PACS2: variants seen among roughly 807,000 people sequenced by gnomAD.
PACS2 encodes PACS1-like protein.
A neutral mutation model predicts 113.0 loss-of-function variants in PACS2; 36 were observed. The observed-to-expected ratio is 0.32, with a 90% CI of 0.24 to 0.42. The LOEUF (loss-of-function observed/expected upper bound fraction) is 0.42. Among genes scored for constraint, PACS2 ranks in the 10% least tolerant of loss-of-function variants. The pLI, the probability that PACS2 is intolerant of heterozygous loss-of-function variation, is 1.00. For synonymous variants in PACS2, 589 were observed against 536.1 expected (o/e 1.10, Z -1.36); for missense variants, 1,015 against 1,239.5 (o/e 0.82, Z 2.72).
chr14:105,350,203 C>T (rs1030519794), intron 2 of PACS2, among the ~76,000 whole-genome samples: 1 of 152,160 alleles, frequency 6.6e-6, no homozygotes, highest in African/African-American at 2.4e-5. Flanking sequence ...GGGCCATTGC[C>T]ACCAGGCCGT....
At position 105,340,521 on chromosome 14, in the gene PACS2, A is replaced by G. The variant is rs1349451528; in HGVS notation, c.120-7972A>G. 6.6e-6 allele frequency among the ~76,000 whole-genome samples: 1 copy of G among 152,200 alleles called. No individual in the cohort carries two copies. Among genetic ancestry groups the G allele is most frequent in the Non-Finnish European group, 1.5e-5 (1 of 68,036 alleles). On this transcript the variant is annotated intron_variant, in intron 1 of 24. Transcript: ENST00000447393. This position sits in a 1 kb window ranked among gnomAD's most constrained non-coding sequence, Gnocchi z 4.2. ...CATCAGCCATCAGATTCTCATAAGC[A>G]GCGTGCAGCCTGGATCCCTCGCGTG...
Position 105,385,732 on chromosome 14 carries a change from G to C in PACS2, c.2033+15G>C. On this transcript the variant is annotated intron_variant, in intron 19 of 24. Coordinates refer to ENST00000447393, the MANE Select transcript of PACS2 (RefSeq NM_001100913.3). ...TTTACCCTAAGGTACGGCTCTGTGG[G>C]TCTGCCTCCCACCCTGTCTGTCCCC... 6.7e-7 allele frequency: 1 copy of C among 1,490,316 alleles called. No individual in the cohort carries two copies. Among genetic ancestry groups the C allele is most frequent in the Non-Finnish European group, 8.9e-7 (1 of 1,117,384 alleles). 92.3% of individuals were successfully genotyped at this position (1,490,316 alleles called of 1,614,324 possible). A position where few individuals can be genotyped will look rare whatever the true frequency, so the allele number is the denominator to read the frequency against.
rs1261443733 is a variant in PACS2, at chr14:105,366,678, C to T, written c.424-535C>T. On this transcript the variant is annotated intron_variant, in intron 4 of 24. Transcript: ENST00000447393. This position sits in a 1 kb window ranked among gnomAD's most constrained non-coding sequence, Gnocchi z 4.3. ...CCGGCCTGGCTGAGAGTGCTGGGCT[C>T]CTCCTTGGTCCCCCACAGACACTGG... 1.3e-5 allele frequency among the ~76,000 whole-genome samples: 2 copies of T among 152,210 alleles called. No homozygotes were observed. Among genetic ancestry groups the T allele is most frequent in the Non-Finnish European group, 2.9e-5 (2 of 68,036 alleles).
chr14:105,346,198 G>A lies in PACS2; in HGVS notation c.120-2295G>A, dbSNP rs587686196. ...CTAAAAAGCTGGACTTAAATACATC[G>A]AACTTGGAACTCAGAAAAATAAAAC... On this transcript the variant is annotated intron_variant, in intron 1 of 24. Coordinates refer to ENST00000447393, the MANE Select transcript of PACS2 (RefSeq NM_001100913.3). Among the ~76,000 whole-genome samples the A allele has an allele frequency of 2.6e-5, 4 of 152,214 alleles. No homozygotes were observed. In the East Asian group the frequency reaches 5.8e-4, roughly 22 times the overall value.
At chr14:105,370,055 A>T (rs1294309526) in intron 8 of PACS2, 155 bp downstream of exon 8, 2 of 645,350 alleles carry the variant, frequency 3.1e-6, no homozygotes, top group African/African-American at 3.7e-5. Flanking sequence ...AGGCGCAGTG[A>T]CAGTGGCACT....
intron 3 of PACS2, among the ~76,000 whole-genome samples, chr14:105,353,983 A>G (rs2060332450): frequency 6.6e-6 from 1 of 151,516 alleles, no homozygotes; most frequent in African/African-American, 2.4e-5. Flanking sequence ...AGGCCGAGGT[A>G]GGTGGCAGGA....
upstream of PACS2, among the ~76,000 whole-genome samples, chr14:105,313,188 G>A (rs1399662429): frequency 2.0e-5 from 3 of 152,190 alleles, no homozygotes; most frequent in African/African-American, 4.8e-5. Context: ...GTGTCAGGCG[G>A]CCCATCCGTC....
rs145710291 is a variant in PACS2, at chr14:105,365,920, C to T, written c.424-1293C>T. Among the ~76,000 whole-genome samples, 3 of 152,344 alleles carry T rather than the reference C, an allele frequency of 2.0e-5. No homozygotes were observed. Among genetic ancestry groups the T allele is most frequent in the African/African-American group, 4.8e-5 (2 of 41,578 alleles). On this transcript the variant is annotated intron_variant, in intron 4 of 24. Transcript: ENST00000447393. The surrounding 1 kb of genome is among the most constrained non-coding windows in gnomAD (Gnocchi z 5.1). ...GGCACGAGGGCGTCAGCAGTGGGTGCGAGTGTTGGCAGAAGCTGCCAGCTG... is the reference window on the plus strand; with the variant it reads ...GGCACGAGGGCGTCAGCAGTGGGTGTGAGTGTTGGCAGAAGCTGCCAGCTG...
rs2140800967 is a variant in PACS2, at chr14:105,317,310, G to T, written c.119+2273G>T. Reference sequence around the variant, plus strand: ...GACATCGTGTGCCAGTCTTCTGCGTGTGTCTTTCTGGATGGGCAGGGCCTG... The same window carrying T: ...GACATCGTGTGCCAGTCTTCTGCGTTTGTCTTTCTGGATGGGCAGGGCCTG... On this transcript the variant is annotated intron_variant, in intron 1 of 24. Transcript: ENST00000447393. The surrounding 1 kb of genome is among the most constrained non-coding windows in gnomAD (Gnocchi z 4.2). 6.6e-6 allele frequency among the ~76,000 whole-genome samples: 1 copy of T among 152,254 alleles called. No individual in the cohort carries two copies. The highest frequency in any genetic ancestry group is 2.1e-4 in the South Asian group (1 of 4,826).
intron 8 of PACS2, among the ~76,000 whole-genome samples, chr14:105,375,152 TCAAAGA>T (rs1341974348): frequency 6.6e-6 from 1 of 151,432 alleles, no homozygotes; most frequent in Non-Finnish European, 1.5e-5. Flanking sequence ...AGACCCTTTC[TCAAAGA>T]CAAAGAACAG....
At chr14:105,318,624 A>G (rs1401129820) in intron 1 of PACS2, among the ~76,000 whole-genome samples, 4 of 130,194 alleles carry the variant, frequency 3.1e-5, no homozygotes, top group African/African-American at 6.0e-5. Flanking sequence ...TAATTTTTGT[A>G]TTTTTATTTT....
Position 105,329,335 on chromosome 14 carries a change from A to G in PACS2, c.119+14298A>G, listed in dbSNP as rs587633789. Among the ~76,000 whole-genome samples the G allele has an allele frequency of 6.9e-4, 105 of 152,208 alleles. No individual in the cohort carries two copies. Among genetic ancestry groups the G allele is most frequent in the African/African-American group, 2.4e-3 (101 of 41,512 alleles). On this transcript the variant is annotated intron_variant, in intron 1 of 24. Transcript: ENST00000447393. The surrounding 1 kb of genome is among the most constrained non-coding windows in gnomAD (Gnocchi z 6.4). The stretch of plus-strand genomic sequence containing the variant: ...TTGGGTCCTGTGTGCCCAACTTGGC[A>G]CTTCAAGATTTGCTCCCTGGCAACT...
chr14:105,311,814 T>G (rs1453025391), upstream of PACS2, among the ~76,000 whole-genome samples: 1 of 152,226 alleles, frequency 6.6e-6, no homozygotes, highest in Non-Finnish European at 1.5e-5. Context: ...AGGAGGGCCC[T>G]GCTGTACCTT....
intron 8 of PACS2, chr14:105,374,481 A>G (rs1372005295): frequency 1.3e-5 from 2 of 152,256 alleles, no homozygotes; most frequent in Non-Finnish European, 1.5e-5. Context: ...CAGACAGTCT[A>G]GTTAAAAGCT....
chr14:105,388,062 C>T (rs587675147), intron 19 of PACS2, among the ~76,000 whole-genome samples: 14 of 152,362 alleles, frequency 9.2e-5, no homozygotes, highest in South Asian at 4.1e-4. Context: ...GGATTTGCAT[C>T]GCTTTATGTT....
At chr14:105,367,146 C>T (rs1555408111) in intron 4 of PACS2, 67 bp from the exon 5 acceptor site, 2 of 1,461,534 alleles carry the variant, frequency 1.4e-6, no homozygotes, top group Non-Finnish European at 1.9e-6. Context: ...AACCCCAGCC[C>T]ACACATCAGG....
chr14:105,327,439 C>A (rs1245780990), intron 1 of PACS2, among the ~76,000 whole-genome samples: 3 of 152,220 alleles, frequency 2.0e-5, no homozygotes, highest in African/African-American at 7.2e-5. Flanking sequence ...GCTTCTCAGA[C>A]CCTCGGCAAG....
intron 1 of PACS2, among the ~76,000 whole-genome samples, chr14:105,321,089 GT>G: frequency 6.6e-6 from 1 of 152,344 alleles, no homozygotes. Flanking sequence ...GGAGGCGGAG[GT>G]TGCAGTGAGC....
chr14:105,306,056 T>C (rs901193267), intron 1 of PACS2, among the ~76,000 whole-genome samples: 3 of 152,152 alleles, frequency 2.0e-5, no homozygotes, highest in African/African-American at 7.2e-5. Context: ...CATTCCTTCA[T>C]GGGGGCCCCA....
Sources: allele counts gnomAD v4.1 joint callset (sites outside exome capture counted in the v4.1 genomes callset), GRCh38; gene constraint gnomAD v4.1.1; non-coding constraint Gnocchi (gnomAD v3.1); transcripts MANE v1.5; gene names NCBI Gene and HGNC (gene_info 2026-07-23, HGNC 2026-07-21).